Variants in KCNIP4 observed in about 807,000 individuals in gnomAD.
KCNIP4 encodes Kv channel-interacting protein 4.
Under a neutral mutation model 34.0 loss-of-function variants are expected in KCNIP4, and 12 were observed. The observed-to-expected ratio is 0.35, with a 90% CI of 0.23 to 0.57. The LOEUF is 0.57. Ranked by LOEUF, KCNIP4 falls within the 20% of genes least tolerant of loss-of-function variation. The probability of loss-of-function intolerance (pLI) is 0.83; values close to 1 mark genes in which losing one functional copy is unlikely to be tolerated. For missense variants in KCNIP4, 238 were observed against 311.7 expected (o/e 0.76, Z 1.78); for synonymous variants, 124 against 102.2 (o/e 1.21, Z -1.29).
chr4:20,840,819 C>A (rs535920348), intron 3 of KCNIP4, among the ~76,000 whole-genome samples: 9 of 152,184 alleles, frequency 5.9e-5, no homozygotes, highest in African/African-American at 2.2e-4. Context: ...TGCTGGATAC[C>A]AACACCCCCA....
At chr4:21,232,822 G>A (rs1414960153) in intron 1 of KCNIP4, among the ~76,000 whole-genome samples, 4 of 152,152 alleles carry the variant, frequency 2.6e-5, no homozygotes, top group Non-Finnish European at 4.4e-5. Context: ...TATATGAGGT[G>A]CAATATGATA....
chr4:21,738,136 TAATAAATAAAA>T (rs1716136867), intron 1 of KCNIP4, among the ~76,000 whole-genome samples: 1 of 96,730 alleles, frequency 1.0e-5, no homozygotes. Flanking sequence ...AATAAATAAA[TAATAAATAAAA>T]GGCTTAAAAG....
chr4:21,452,834 A>G (rs1031232917), intron 1 of KCNIP4, among the ~76,000 whole-genome samples: 1 of 146,872 alleles, frequency 6.8e-6, no homozygotes, highest in African/African-American at 2.5e-5. Flanking sequence ...AAAGTCCTTC[A>G]TAATACTTAA....
chr4:21,501,038 C>T (rs1388762664), intron 1 of KCNIP4, among the ~76,000 whole-genome samples: 2 of 151,978 alleles, frequency 1.3e-5, no homozygotes, highest in Non-Finnish European at 2.9e-5. Flanking sequence ...TAGGCAAGAC[C>T]TCTAATCTCT....
chr4:21,117,426 C>A (rs930317715), intron 1 of KCNIP4, among the ~76,000 whole-genome samples: 9 of 150,998 alleles, frequency 6.0e-5, no homozygotes, highest in Admixed American at 2.0e-4. Context: ...TGCATTAATG[C>A]ATGACCTCCC....
chr4:21,644,064 C>T (rs1041462185), intron 1 of KCNIP4, among the ~76,000 whole-genome samples: 4 of 136,140 alleles, frequency 2.9e-5, no homozygotes, highest in South Asian at 2.5e-4. Context: ...GTGTAAGGAA[C>T]GGTGTCCTGG....
chr4:21,919,023 C>A (rs1263915614), intron 1 of KCNIP4, among the ~76,000 whole-genome samples: 1 of 152,024 alleles, frequency 6.6e-6, no homozygotes, highest in Admixed American at 6.6e-5. Context: ...TAAGACAGAA[C>A]AAGAGGCCAA....
At chr4:21,567,562 A>G (rs1740007357) in intron 1 of KCNIP4, among the ~76,000 whole-genome samples, 1 of 152,198 alleles carries the variant, frequency 6.6e-6, no homozygotes. Context: ...GTATCAGCTA[A>G]CACTATTTGG....
At chr4:21,665,270 T>G (rs1748758570) in intron 1 of KCNIP4, among the ~76,000 whole-genome samples, 1 of 152,190 alleles carries the variant, frequency 6.6e-6, no homozygotes, top group African/African-American at 2.4e-5. Flanking sequence ...AGGACCTTCC[T>G]CTGGGTAAAA....
At chr4:21,323,910 G>T (rs1319292474) in intron 1 of KCNIP4, among the ~76,000 whole-genome samples, 1 of 151,908 alleles carries the variant, frequency 6.6e-6, no homozygotes, top group Non-Finnish European at 1.5e-5. Context: ...GCCAGCATTT[G>T]TTACTGAATG....
intron 1 of KCNIP4, among the ~76,000 whole-genome samples, chr4:21,328,545 A>T (rs1715314577): frequency 6.6e-6 from 1 of 152,002 alleles, no homozygotes; most frequent in Admixed American, 6.5e-5. Context: ...CTGGTGCCTT[A>T]TTTACTTTGC....
chr4:20,966,427 T>A (rs905486839), intron 1 of KCNIP4, among the ~76,000 whole-genome samples: 4 of 152,184 alleles, frequency 2.6e-5, no homozygotes, highest in African/African-American at 9.6e-5. Context: ...GGTACCTTAG[T>A]GTATGTCTTC....
intron 1 of KCNIP4, among the ~76,000 whole-genome samples, chr4:21,484,430 TA>T (rs71191509): frequency 5.9e-4 from 88 of 149,462 alleles, no homozygotes; most frequent in Non-Finnish European, 1.1e-3. Context: ...TCCGTCACAA[TA>T]AAAAAAAAAT....
At chr4:21,157,665 TCTA>T (rs1157167299) in intron 1 of KCNIP4, among the ~76,000 whole-genome samples, 3 of 152,160 alleles carry the variant, frequency 2.0e-5, no homozygotes, top group South Asian at 2.1e-4. Context: ...ATAGCAGGAT[TCTA>T]CTAATGCAAT....
At chr4:21,211,537 T>C (rs1234897021) in intron 1 of KCNIP4, among the ~76,000 whole-genome samples, 1 of 152,144 alleles carries the variant, frequency 6.6e-6, no homozygotes, top group African/African-American at 2.4e-5. Context: ...TGGAACAGTT[T>C]CATTCCAAAA....
intron 3 of KCNIP4, among the ~76,000 whole-genome samples, chr4:20,803,671 GAA>G (rs1213465119): frequency 5.5e-5 from 7 of 127,604 alleles, no homozygotes; most frequent in African/African-American, 2.2e-4. Context: ...GAAAGAGAAA[GAA>G]AGAGAGAAAG....
At chr4:20,941,291 T>A (rs549278287) in intron 1 of KCNIP4, among the ~76,000 whole-genome samples, 1 of 152,352 alleles carries the variant, frequency 6.6e-6, no homozygotes, top group African/African-American at 2.4e-5. Context: ...ACGTTAGTAG[T>A]GAACTTATTT....
chr4:20,966,326 C>T (rs182487199), intron 1 of KCNIP4, among the ~76,000 whole-genome samples: 26 of 152,266 alleles, frequency 1.7e-4, no homozygotes, highest in East Asian at 9.6e-4. Context: ...CATTTGCTGA[C>T]GTATAAAGTC....
intron 1 of KCNIP4, among the ~76,000 whole-genome samples, chr4:21,311,124 A>G (rs1246345530): frequency 6.6e-6 from 1 of 152,174 alleles, no homozygotes; most frequent in Non-Finnish European, 1.5e-5. Context: ...GTAAATGCTC[A>G]ATAAATAGTA....
Sources: gnomAD v4.1 joint callset for allele counts (sites outside exome capture counted in the v4.1 genomes callset) on GRCh38, gnomAD v4.1.1 for gene constraint, MANE v1.5 for transcripts, NCBI Gene and HGNC (gene_info 2026-07-23, HGNC 2026-07-21) for gene names.